MPP4: variants seen among roughly 807,000 people sequenced by gnomAD.
MPP4 encodes the protein MAGUK p55 subfamily member 4.
MPP4 carries 91 observed loss-of-function variants against 98.3 expected under a neutral mutation model. That is an observed-to-expected ratio of 0.93 (90% CI 0.78 to 1.10). The LOEUF is 1.10. MPP4 is among the 50% of genes least tolerant of loss of function. The probability of loss-of-function intolerance (pLI) is 0.00; values close to 1 mark genes in which losing one functional copy is unlikely to be tolerated. For missense variants in MPP4, 744 were observed against 792.9 expected (o/e 0.94, Z 0.74); for synonymous variants, 261 against 271.8 (o/e 0.96, Z 0.39).
At chr2:201,655,576 C>T (rs1258777954) in intron 17 of MPP4, among the ~76,000 whole-genome samples, 1 of 152,222 alleles carries the variant, frequency 6.6e-6, no homozygotes, top group African/African-American at 2.4e-5. Flanking sequence ...TCGTTCTGCT[C>T]TACAGGGACC....
chr2:201,687,301 G>T lies in MPP4; in HGVS notation c.350C>A (p.Pro117Gln), dbSNP rs1026203966. 1 of 1,576,004 alleles carries T rather than the reference G, an allele frequency of 6.3e-7. No homozygotes were observed. The highest frequency in any genetic ancestry group is 1.7e-4 in the Middle Eastern group (1 of 6,014). ...IQELRQMLQAPHFKALLSAHD... is the reference protein window; with the variant it reads ...IQELRQMLQAQHFKALLSAHD... ...TTAGCAGGCACTTGCCTTGAAGTGTGGAGCCTGGAGCATTTGTCTCAGCTC... is the reference window on the plus strand; with the variant it reads ...TTAGCAGGCACTTGCCTTGAAGTGTTGAGCCTGGAGCATTTGTCTCAGCTC... Residue 117 changes from proline (P) to glutamine (Q), a missense_variant, in exon 5 of 22, where the codon CCA becomes CAA. Transcript: ENST00000409474.
At chr2:201,667,024 A>T (rs1688202299) in intron 12 of MPP4, among the ~76,000 whole-genome samples, 1 of 152,190 alleles carries the variant, frequency 6.6e-6, no homozygotes, top group Non-Finnish European at 1.5e-5. Flanking sequence ...GAAAATGGGG[A>T]GAGTAACAGT....
At chr2:201,657,411 C>T (rs1654780515) in intron 16 of MPP4, among the ~76,000 whole-genome samples, 1 of 152,024 alleles carries the variant, frequency 6.6e-6, no homozygotes, top group African/African-American at 2.4e-5. Context: ...GAGTTAGCAA[C>T]TCTATGTGTA....
chr2:201,663,153 C>G (rs947519347), intron 14 of MPP4, among the ~76,000 whole-genome samples: 2 of 152,214 alleles, frequency 1.3e-5, no homozygotes, highest in African/African-American at 2.4e-5. Context: ...TGACTGTCTT[C>G]TAAACCACTG....
chr2:201,683,714 T>A (rs1688730660), intron 7 of MPP4, among the ~76,000 whole-genome samples: 1 of 148,532 alleles, frequency 6.7e-6, no homozygotes, highest in African/African-American at 2.5e-5. Context: ...ATTGCCCTAC[T>A]GCACTCCAGC....
At chr2:201,648,656 C>T (rs903905289) in intron 20 of MPP4, among the ~76,000 whole-genome samples, 5 of 152,192 alleles carry the variant, frequency 3.3e-5, no homozygotes, top group African/African-American at 1.2e-4. Context: ...GGTGGATCAG[C>T]TCTGTTTCAC....
At chr2:201,652,063 C>G in intron 18 of MPP4, 1 of 948,594 alleles carries the variant, frequency 1.1e-6, no homozygotes, top group Non-Finnish European at 1.3e-6. Flanking sequence ...GAAAGCAGTA[C>G]TTCAGAAAGC....
rs1689107616 is a variant in MPP4, at chr2:201,693,934, T to C, written c.21A>G (p.Gly7=). Residue 7 remains glycine (G), a synonymous_variant, in exon 2 of 22, where the codon GGA becomes GGG. Coordinates refer to ENST00000409474, the MANE Select transcript of MPP4 (RefSeq NM_033066.3). The part of the protein sequence containing the change: MIQSDK[G]ADPPDKKDMK... ...TGTCCTTCTTGTCTGGTGGATCTGC[T>C]CCTTTGTCTGACTGTATCATCCTCC... 6.2e-7 allele frequency: 1 copy of C among 1,613,844 alleles called. No individual in the cohort carries two copies. The highest frequency in any genetic ancestry group is 1.1e-5 in the South Asian group (1 of 91,088).
intron 6 of MPP4, among the ~76,000 whole-genome samples, chr2:201,685,684 C>T (rs1397575280): frequency 6.6e-6 from 1 of 152,204 alleles, no homozygotes; most frequent in African/African-American, 2.4e-5. Context: ...TCTTATAAAT[C>T]TCATCTTACT....
intron 11 of MPP4, 135 bp downstream of exon 11, chr2:201,675,072 G>A (rs1688465356): frequency 9.7e-7 from 1 of 1,032,252 alleles, no homozygotes; most frequent in Non-Finnish European, 1.5e-6. Context: ...GGCCCTTCAA[G>A]GAGATTGATT....
intron 9 of MPP4, 120 bp from the exon 10 acceptor site, chr2:201,681,154 T>G (rs1415011007): frequency 9.9e-7 from 1 of 1,013,578 alleles, no homozygotes; most frequent in African/African-American, 1.6e-5. Context: ...CTGCTACTCC[T>G]ATCTTTCCTC....
At chr2:201,690,482 T>G (rs1688981184) in intron 3 of MPP4, among the ~76,000 whole-genome samples, 1 of 152,206 alleles carries the variant, frequency 6.6e-6, no homozygotes, top group African/African-American at 2.4e-5. Flanking sequence ...CTTCAAAAGC[T>G]TAATTATTGG....
intron 16 of MPP4, among the ~76,000 whole-genome samples, chr2:201,657,691 G>A (rs1687896467): frequency 6.7e-6 from 1 of 149,050 alleles, no homozygotes. Context: ...CTCGCACAAA[G>A]TGTCAGAGCC....
intron 18 of MPP4, among the ~76,000 whole-genome samples, 163 bp downstream of exon 18, chr2:201,654,674 T>C (rs1029949920): frequency 6.6e-6 from 1 of 152,154 alleles, no homozygotes; most frequent in South Asian, 2.1e-4. Context: ...TACATTCCAA[T>C]AAGTCAGTTT....
intron 1 of MPP4, chr2:201,698,147 A>AAGTC (rs3057337): frequency 0.99 from 924,576 of 930,474 alleles, 459,605 homozygotes; most frequent in East Asian, 1. Context: ...CTTGTTTTAA[A>AAGTC]AGTATTTCCA....
intron 16 of MPP4, among the ~76,000 whole-genome samples, chr2:201,657,955 T>A (rs915739716): frequency 7.1e-6 from 1 of 140,968 alleles, no homozygotes; most frequent in Non-Finnish European, 1.5e-5. Flanking sequence ...TGGCCCCTTG[T>A]TTTTTTTTTT....
At chr2:201,683,760 A>AAAAAG (rs1688733701) in intron 7 of MPP4, among the ~76,000 whole-genome samples, 1 of 151,930 alleles carries the variant, frequency 6.6e-6, no homozygotes, top group African/African-American at 2.4e-5. Flanking sequence ...TCAAAAAAAA[A>AAAAAG]AAAAGAAAAG....
intron 18 of MPP4, among the ~76,000 whole-genome samples, chr2:201,653,649 T>G (rs1016452948): frequency 2.6e-5 from 4 of 152,210 alleles, no homozygotes; most frequent in Non-Finnish European, 5.9e-5. Flanking sequence ...ACTTTCTATT[T>G]TGTTGAAATC....
At chr2:201,696,846 C>T (rs1169900328) in intron 1 of MPP4, among the ~76,000 whole-genome samples, 1 of 152,266 alleles carries the variant, frequency 6.6e-6, no homozygotes, top group South Asian at 2.1e-4. Context: ...GAGGCAAAAA[C>T]AATAATTACA....
Sources: gnomAD v4.1 joint callset for allele counts (sites outside exome capture counted in the v4.1 genomes callset) on GRCh38, gnomAD v4.1.1 for gene constraint, MANE v1.5 for transcripts, NCBI Gene and HGNC (gene_info 2026-07-23, HGNC 2026-07-21) for gene names.